Variants in MEGF6 observed in about 807,000 individuals in gnomAD.
The protein encoded by MEGF6 is multiple epidermal growth factor-like domains protein 6.
MEGF6 carries 184 observed loss-of-function variants against 207.1 expected under a neutral mutation model. The observed-to-expected ratio is 0.89, with a 90% confidence interval of 0.79 to 1.00. The LOEUF (loss-of-function observed/expected upper bound fraction) is 1.00, where lower values mean the gene tolerates loss of function less well. Ranked by LOEUF, MEGF6 falls within the 50% of genes least tolerant of loss-of-function variation. The pLI is 0.00. For missense variants in MEGF6, 2,282 were observed against 2,202.9 expected, an observed-to-expected ratio of 1.04 and a Z score of -0.72; for synonymous variants, 1,038 against 910.0, an observed-to-expected ratio of 1.14 and a Z score of -2.53.
In MEGF6 at chr1:3,573,784, G is replaced by A. The variant is rs1021516175; in HGVS notation, c.481+6041C>T. Among the ~76,000 whole-genome samples, 9 of 152,210 alleles carry A rather than the reference G, an allele frequency of 5.9e-5. No homozygotes were observed. The highest frequency in any genetic ancestry group is 2.2e-4 in the African/African-American group (9 of 41,456). On this transcript the variant is annotated intron_variant, in intron 4 of 36. Coordinates refer to ENST00000356575, the MANE Select transcript of MEGF6 (RefSeq NM_001409.4). The surrounding 1 kb of genome is among the most constrained non-coding windows in gnomAD (Gnocchi z 5.1). ...GGCTGGTCGCCAAGAGCAGCCCTGG[G>A]TGGCGTCTGGAGCTCGGGCGAGGGG...
chr1:3,532,696 G>A (rs1642215672), intron 4 of MEGF6, among the ~76,000 whole-genome samples: 2 of 152,204 alleles, frequency 1.3e-5, no homozygotes, highest in Admixed American at 6.5e-5. Flanking sequence ...GAAAGCTTGG[G>A]GATACCTTCC....
intron 1 of MEGF6, 129 bp from the exon 2 acceptor site, chr1:3,602,729 G>T: frequency 7.5e-7 from 1 of 1,339,072 alleles, no homozygotes; most frequent in Non-Finnish European, 9.9e-7. Flanking sequence ...AGGCCTCCAC[G>T]GCACAGTGCC....
intron 3 of MEGF6, among the ~76,000 whole-genome samples, chr1:3,593,170 TG>T (rs1644006623): frequency 6.6e-6 from 1 of 152,038 alleles, no homozygotes; most frequent in African/African-American, 2.4e-5. Context: ...GTGATGGAGA[TG>T]GGCACACTCA....
chr1:3,508,605 T>A lies in MEGF6; in HGVS notation c.1613A>T (p.Asp538Val), dbSNP rs1428933966. 3.1e-6 allele frequency: 5 copies of A among 1,613,268 alleles called. No homozygotes were observed. Among genetic ancestry groups the A allele is most frequent in the Non-Finnish European group, 3.4e-6 (4 of 1,179,914 alleles). The part of the protein sequence containing the change: ...RNGGTCLLGL[D>V]GCDCPEGWTG... ...CCAGCCCTCGGGGCAATCACAGCCA[T>A]CCAGGCCCAGGAGGCAGGTCCCTCC... Residue 538 changes from aspartate to valine, a missense_variant, in exon 13 of 37, where the codon GAT (aspartate) becomes GTT (valine). By Grantham distance (152) the Asp-to-Val change is radical (BLOSUM62 -3). Transcript: ENST00000356575.
At chr1:3,557,717 G>T (rs887122548) in intron 4 of MEGF6, among the ~76,000 whole-genome samples, 6 of 152,236 alleles carry the variant, frequency 3.9e-5, no homozygotes, top group Non-Finnish European at 5.9e-5. Flanking sequence ...GAGACGGGGG[G>T]CCCAGGAAGC....
At position 3,490,208 on chromosome 1, in the gene MEGF6, C is replaced by T; in HGVS notation, c.*320G>A. ...CCTGCGCCTGCACCCACACTGGCGC[C>T]CACACCTGTCCTCAGTCCAACTCAG... On this transcript the variant is annotated 3_prime_UTR_variant, in exon 37 of 37. Transcript: ENST00000356575. 1 of 423,478 alleles carries T rather than the reference C, an allele frequency of 2.4e-6. No individual in the cohort carries two copies. The highest frequency in any genetic ancestry group is 4.6e-5 in the East Asian group (1 of 21,944). The allele number at this position is 423,478 out of a possible 1,614,324, so 26.2% of individuals were successfully genotyped here.
At chr1:3,532,579 T>C (rs1642212787) in intron 4 of MEGF6, among the ~76,000 whole-genome samples, 1 of 152,158 alleles carries the variant, frequency 6.6e-6, no homozygotes, top group South Asian at 2.1e-4. Flanking sequence ...AGTGGAAGTG[T>C]CCCTGGAGCT....
chr1:3,544,123 A>T (rs1642623494), intron 4 of MEGF6, among the ~76,000 whole-genome samples: 1 of 151,782 alleles, frequency 6.6e-6, no homozygotes, highest in Admixed American at 6.5e-5. Context: ...CCTGCCAGGG[A>T]CCCCATTACA....
chr1:3,605,852 G>A (rs563646747), intron 1 of MEGF6, among the ~76,000 whole-genome samples: 19 of 152,332 alleles, frequency 1.2e-4, no homozygotes, highest in African/African-American at 2.9e-4. Context: ...TGTCAGGGGC[G>A]GAGGCCGTGC....
At position 3,496,012 on chromosome 1, in the gene MEGF6, G is replaced by T; in HGVS notation, c.3749C>A (p.Pro1250Gln). Residue 1250 changes from proline to glutamine, a missense_variant, in exon 30 of 37, where the codon CCG becomes CAG. By Grantham distance (76) the Pro-to-Gln change is moderately conservative. Coordinates refer to ENST00000356575, the MANE Select transcript of MEGF6 (RefSeq NM_001409.4). ...GCAGTTGGGGCCGAAGCGGCCCTGC[G>T]GACAGGCTGCCGGGGAGGAAGTGGT... ...FLGTDCNLTC[P>Q]QGRFGPNCTH... 6.5e-7 allele frequency: 1 copy of T among 1,526,786 alleles called. No individual in the cohort carries two copies. Among genetic ancestry groups the T allele is most frequent in the Non-Finnish European group, 8.7e-7 (1 of 1,144,050 alleles). The allele number at this position is 1,526,786 out of a possible 1,614,324, so 94.6% of individuals were successfully genotyped here.
chr1:3,572,456 CT>C (rs1339463986), intron 4 of MEGF6, among the ~76,000 whole-genome samples: 2 of 114,272 alleles, frequency 1.8e-5, no homozygotes, highest in South Asian at 3.1e-4. Context: ...GTGCTGGGTC[CT>C]TCCTGGGTGT....
At chr1:3,496,090 T>A in intron 29 of MEGF6, 72 bp from the exon 30 acceptor site, 1 of 1,442,722 alleles carries the variant, frequency 6.9e-7, no homozygotes. Flanking sequence ...GGAGTGGGGA[T>A]AGGACAGGAT....
At chr1:3,602,396 G>T in intron 2 of MEGF6, 70 bp downstream of exon 2, 1 of 1,604,746 alleles carries the variant, frequency 6.2e-7, no homozygotes, top group Non-Finnish European at 8.5e-7. Flanking sequence ...CAGCTGCCCA[G>T]CTCCCGGGTG....
intron 4 of MEGF6, among the ~76,000 whole-genome samples, chr1:3,570,609 G>T (rs1423682952): frequency 6.6e-6 from 1 of 152,156 alleles, no homozygotes; most frequent in Non-Finnish European, 1.5e-5. Flanking sequence ...CACACCCGCT[G>T]CTCCAGCCCT....
At position 3,509,819 on chromosome 1, in the gene MEGF6, G is replaced by T. The variant is rs554761788; in HGVS notation, c.1357+51C>A. ...CCTGCGGGACGCAGGGTCAGCTGGG[G>T]CAAACTCGAGAAGGCAGAGGCCGGT... On this transcript the variant is annotated intron_variant, in intron 11 of 36. Transcript: ENST00000356575. The T allele has an allele frequency of 5.3e-6, 8 of 1,501,610 alleles. No homozygotes were observed. The South Asian group carries it at 1.0e-4, about 19-fold the overall frequency. 93.0% of individuals were successfully genotyped at this position (1,501,610 alleles called of 1,614,324 possible).
At position 3,500,624 on chromosome 1, in the gene MEGF6, G is replaced by A. The variant is rs768662617; in HGVS notation, c.2707+9C>T. 11 of 1,550,754 alleles carry A rather than the reference G, an allele frequency of 7.1e-6. No homozygotes were observed. The highest frequency in any genetic ancestry group is 4.1e-5 in the African/African-American group (3 of 73,170). On this transcript the variant is annotated intron_variant, in intron 21 of 36. Coordinates refer to ENST00000356575, the MANE Select transcript of MEGF6 (RefSeq NM_001409.4). ...GAGGGTGGCAGCCAAAGGCAGGGCC[G>A]GGACTCACGCTGCTCGCACCGCGGG...
At chr1:3,508,767 C>T (rs1296779076) in intron 12 of MEGF6, 78 bp from the exon 13 acceptor site, 4 of 1,557,042 alleles carry the variant, frequency 2.6e-6, no homozygotes, top group East Asian at 4.5e-5. Flanking sequence ...CTCAGACCCT[C>T]AGGCCAGGGA....
Position 3,499,667 on chromosome 1 carries a change from GCAGTTGCAGGCACTGCGA to G in MEGF6, c.2868_2885del (p.Arg957_Cys962del). 1 of 1,598,648 alleles carries G rather than the reference GCAGTTGCAGGCACTGCGA, an allele frequency of 6.3e-7. No individual in the cohort carries two copies. The highest frequency in any genetic ancestry group is 8.5e-7 in the Non-Finnish European group (1 of 1,173,736). ...CGGCATCACAGGCAGCTCCGGCGGT[GCAGTTGCAGGCACTGCGA>G]CAGTCCAATCCAAAGAAGCCGGCCG... On this transcript the variant is annotated inframe_deletion, in exon 23 of 37. Coordinates refer to ENST00000356575, the MANE Select transcript of MEGF6 (RefSeq NM_001409.4).
At chr1:3,609,607 G>A (rs1468227789) in intron 1 of MEGF6, among the ~76,000 whole-genome samples, 1 of 152,382 alleles carries the variant, frequency 6.6e-6, no homozygotes, top group African/African-American at 2.4e-5. Context: ...GGACAGAGAA[G>A]GGAGAGGAGG....
Sources: allele counts gnomAD v4.1 joint callset (sites outside exome capture counted in the v4.1 genomes callset), GRCh38; gene constraint gnomAD v4.1.1; non-coding constraint Gnocchi (gnomAD v3.1); transcripts MANE v1.5; gene names NCBI Gene and HGNC (gene_info 2026-07-23, HGNC 2026-07-21).